PXDNL: variants seen among roughly 807,000 people sequenced by gnomAD.
The protein encoded by PXDNL is probable oxidoreductase PXDNL.
PXDNL carries 145 observed loss-of-function variants against 150.8 expected under a neutral mutation model. That is an observed-to-expected ratio of 0.96 (90% confidence interval 0.84 to 1.10). The LOEUF (loss-of-function observed/expected upper bound fraction) is 1.10, where lower values mean the gene tolerates loss of function less well. Among genes scored for constraint, PXDNL ranks in the 50% least tolerant of loss-of-function variants. The pLI is 0.00. For missense variants in PXDNL, 2,087 were observed against 1,873.9 expected (o/e 1.11, Z -2.10); for synonymous variants, 757 against 725.7 (o/e 1.04, Z -0.69).
At chr8:51,582,156 T>C (rs1813224320) in intron 3 of PXDNL, among the ~76,000 whole-genome samples, 1 of 152,148 alleles carries the variant, frequency 6.6e-6, no homozygotes, top group Admixed American at 6.5e-5. Context: ...GATAGGACTT[T>C]TATAAAATAG....
rs560070059 is a variant in PXDNL, at chr8:51,475,643, T to C, written c.525-502A>G. On this transcript the variant is annotated intron_variant, in intron 6 of 22. Coordinates refer to ENST00000356297, the MANE Select transcript of PXDNL (RefSeq NM_144651.5). Reference sequence around the variant, plus strand: ...AATTTCTTTATAGTTTCAACTTTTATTCTAGATTCAGGGGGTACATATGCA... The same window carrying C: ...AATTTCTTTATAGTTTCAACTTTTACTCTAGATTCAGGGGGTACATATGCA... Among the ~76,000 whole-genome samples, 61 of 152,252 alleles carry C rather than the reference T, an allele frequency of 4.0e-4. 1 individual carries two copies. Among genetic ancestry groups the C allele is most frequent in the African/African-American group, 1.4e-3 (59 of 41,554 alleles).
intron 2 of PXDNL, among the ~76,000 whole-genome samples, chr8:51,649,940 A>G (rs538997900): frequency 5.9e-5 from 9 of 151,868 alleles, no homozygotes; most frequent in Admixed American, 1.3e-4. Context: ...CATCTCTACT[A>G]AAAATACAAA....
intron 2 of PXDNL, among the ~76,000 whole-genome samples, chr8:51,616,740 G>A (rs1432017887): frequency 6.6e-6 from 1 of 152,088 alleles, no homozygotes; most frequent in Non-Finnish European, 1.5e-5. Flanking sequence ...TGAGGCACAT[G>A]GTGTGAAATT....
chr8:51,542,020 G>A (rs1812227468), intron 4 of PXDNL, among the ~76,000 whole-genome samples: 1 of 152,006 alleles, frequency 6.6e-6, no homozygotes, highest in African/African-American at 2.4e-5. Context: ...GGTGCTTTTT[G>A]TACTAATAAG....
At chr8:51,495,810 G>T (rs1347730449) in intron 5 of PXDNL, among the ~76,000 whole-genome samples, 1 of 151,972 alleles carries the variant, frequency 6.6e-6, no homozygotes, top group Non-Finnish European at 1.5e-5. Context: ...CCAAAAAAAG[G>T]CCAGGACCAG....
chr8:51,428,200 C>T (rs965015864), intron 12 of PXDNL, among the ~76,000 whole-genome samples: 4 of 151,954 alleles, frequency 2.6e-5, no homozygotes, highest in African/African-American at 9.7e-5. Flanking sequence ...CTACAAAATA[C>T]TGAAGTACAA....
At chr8:51,436,850 C>T (rs1809419379) in intron 12 of PXDNL, among the ~76,000 whole-genome samples, 1 of 151,896 alleles carries the variant, frequency 6.6e-6, no homozygotes, top group South Asian at 2.1e-4. Flanking sequence ...AAAGAAATAA[C>T]AAAGACCAGA....
intron 20 of PXDNL, among the ~76,000 whole-genome samples, chr8:51,342,191 G>A (rs113400908): frequency 0.018 from 2,659 of 151,582 alleles, 51 homozygotes; most frequent in African/African-American, 0.06. Context: ...AAAAAATAAG[G>A]TTTTACCCAT....
At chr8:51,397,224 C>T (rs1808109709) in intron 17 of PXDNL, among the ~76,000 whole-genome samples, 1 of 152,152 alleles carries the variant, frequency 6.6e-6, no homozygotes, top group Admixed American at 6.5e-5. Flanking sequence ...ATTTTAGTAC[C>T]TTAGCTAGAA....
intron 1 of PXDNL, among the ~76,000 whole-genome samples, chr8:51,808,712 T>C (rs910751759): frequency 1.3e-5 from 2 of 152,182 alleles, no homozygotes; most frequent in African/African-American, 4.8e-5. Flanking sequence ...GCTCAGGACT[T>C]CACCCTCCCA....
intron 4 of PXDNL, among the ~76,000 whole-genome samples, chr8:51,533,530 C>G (rs1811959023): frequency 1.4e-5 from 2 of 141,542 alleles, no homozygotes; most frequent in Non-Finnish European, 3.0e-5. Context: ...TCCACGGTCT[C>G]CCTCTGATGC....
At position 51,372,112 on chromosome 8, in the gene PXDNL, G is replaced by A. The variant is rs28647691; in HGVS notation, c.3693-31C>T. 193 of 1,503,712 alleles carry A rather than the reference G, an allele frequency of 1.3e-4. No individual in the cohort carries two copies. In the African/African-American group the frequency reaches 2.0e-3, roughly 15 times the overall value. The allele number at this position is 1,503,712 out of a possible 1,614,324, so 93.1% of individuals were successfully genotyped here. On this transcript the variant is annotated intron_variant, in intron 18 of 22. Transcript: ENST00000356297. Reference sequence around the variant, plus strand: ...AGTCAACCAAAAAAAAAACATTGTCGTGGGTCTGTGGCCTGAGAACTCAGC... The same window carrying A: ...AGTCAACCAAAAAAAAAACATTGTCATGGGTCTGTGGCCTGAGAACTCAGC...
In PXDNL at chr8:51,482,308, C is replaced by A. The variant is rs570088809; in HGVS notation, c.524+1335G>T. On this transcript the variant is annotated intron_variant, in intron 6 of 22. Coordinates refer to ENST00000356297, the MANE Select transcript of PXDNL (RefSeq NM_144651.5). ...GTAGCCCCTTCATTCTGGCCAATTT[C>A]TGCCATTTGGAATGACTGTATTTAC... Among the ~76,000 whole-genome samples, 5 of 152,304 alleles carry A rather than the reference C, an allele frequency of 3.3e-5. No individual in the cohort carries two copies. In the East Asian group the frequency reaches 9.7e-4, roughly 29 times the overall value.
At chr8:51,544,800 A>G (rs573083959) in intron 4 of PXDNL, among the ~76,000 whole-genome samples, 1 of 152,306 alleles carries the variant, frequency 6.6e-6, no homozygotes, top group South Asian at 2.1e-4. Context: ...ATACTGTGCT[A>G]CTGTCAAGAC....
At chr8:51,752,247 CG>C (rs1393611894) in intron 1 of PXDNL, among the ~76,000 whole-genome samples, 1 of 152,120 alleles carries the variant, frequency 6.6e-6, no homozygotes, top group Non-Finnish European at 1.5e-5. Flanking sequence ...TGTTAAATCA[CG>C]GAGGTTTGGG....
At chr8:51,368,636 T>C (rs983073398) in intron 19 of PXDNL, among the ~76,000 whole-genome samples, 3 of 152,316 alleles carry the variant, frequency 2.0e-5, no homozygotes, top group East Asian at 1.9e-4. Context: ...CCACTAGGAC[T>C]GCTTGGAGTG....
intron 5 of PXDNL, among the ~76,000 whole-genome samples, chr8:51,494,897 C>T (rs1349212511): frequency 6.6e-6 from 1 of 151,970 alleles, no homozygotes; most frequent in Non-Finnish European, 1.5e-5. Flanking sequence ...CAAGGATATC[C>T]AGGAATTGAA....
intron 1 of PXDNL, among the ~76,000 whole-genome samples, chr8:51,722,655 A>G (rs1816753033): frequency 6.6e-6 from 1 of 152,032 alleles, no homozygotes; most frequent in African/African-American, 2.4e-5. Flanking sequence ...CCAGTGGCCA[A>G]TCTTGTCTCC....
chr8:51,408,877 G>A lies in PXDNL; in HGVS notation c.2747C>T (p.Pro916Leu). 1 of 1,596,892 alleles carries A rather than the reference G, an allele frequency of 6.3e-7. No homozygotes were observed. Among genetic ancestry groups the A allele is most frequent in the Non-Finnish European group, 8.5e-7 (1 of 1,171,750 alleles). The change falls in exon 17 of 23, where the codon CCT becomes CTT. Residue 916 changes from proline (P) to leucine (L), a missense_variant. Coordinates refer to ENST00000356297, the MANE Select transcript of PXDNL (RefSeq NM_144651.5). ...ESQALRDPSV[P>L]RGLLKTGFPW... ...AAAGCCTGTCTTCAGGAGACCCCGAGGCACCGAAGGGTCTCTGAGAGCCTG... is the reference window on the plus strand; with the variant it reads ...AAAGCCTGTCTTCAGGAGACCCCGAAGCACCGAAGGGTCTCTGAGAGCCTG...
Sources: gnomAD v4.1 joint callset for allele counts (sites outside exome capture counted in the v4.1 genomes callset) on GRCh38, gnomAD v4.1.1 for gene constraint, MANE v1.5 for transcripts, NCBI Gene and HGNC (gene_info 2026-07-23, HGNC 2026-07-21) for gene names.